The following SUCLG2 variants were observed in gnomAD, a reference collection of about 807,000 sequenced individuals.
The protein encoded by SUCLG2 is succinate--CoA ligase [GDP-forming] subunit beta, mitochondrial.
SUCLG2 carries 42 observed loss-of-function variants against 47.9 expected under a neutral mutation model. The observed-to-expected ratio is 0.88, with a 90% confidence interval of 0.69 to 1.14. The LOEUF (loss-of-function observed/expected upper bound fraction) is 1.14, where lower values mean the gene tolerates loss of function less well. SUCLG2 is among the 50% of genes most tolerant of loss of function. SUCLG2 has a pLI of 0.00. For synonymous variants in SUCLG2, 195 were observed against 197.3 expected (o/e 0.99, Z 0.10); for missense variants, 571 against 525.9 (o/e 1.09, Z -0.84).
At chr3:67,533,745 T>TATTCATTCATTA (rs1706463429) in intron 2 of SUCLG2, among the ~76,000 whole-genome samples, 1 of 152,210 alleles carries the variant, frequency 6.6e-6, no homozygotes, top group East Asian at 1.9e-4. Flanking sequence ...GAGTTACCAA[T>TATTCATTCATTA]CTTCAATCAT....
At chr3:67,433,334 T>A (rs1703534018) in intron 9 of SUCLG2, among the ~76,000 whole-genome samples, 1 of 152,222 alleles carries the variant, frequency 6.6e-6, no homozygotes. Context: ...GCTACTGGTT[T>A]ATTTTTTCAT....
At chr3:67,623,699 T>G (rs1047691162) in intron 1 of SUCLG2, among the ~76,000 whole-genome samples, 4 of 152,152 alleles carry the variant, frequency 2.6e-5, no homozygotes, top group Non-Finnish European at 5.9e-5. Flanking sequence ...ATATTTTTAT[T>G]CAACCATGTG....
intron 1 of SUCLG2, among the ~76,000 whole-genome samples, chr3:67,613,686 T>C (rs6790570): frequency 0.49 from 74,193 of 152,072 alleles, 19,022 homozygotes; most frequent in African/African-American, 0.64. Context: ...TTGTTACTAT[T>C]GCACAACCTT....
chr3:67,570,856 T>G (rs1003210624), intron 2 of SUCLG2, among the ~76,000 whole-genome samples: 3 of 152,170 alleles, frequency 2.0e-5, no homozygotes, highest in African/African-American at 7.2e-5. Flanking sequence ...CCCTGTAATG[T>G]AATAGTAATC....
intron 6 of SUCLG2, among the ~76,000 whole-genome samples, chr3:67,515,671 C>A (rs1252714181): frequency 6.6e-6 from 1 of 152,122 alleles, no homozygotes; most frequent in African/African-American, 2.4e-5. Flanking sequence ...CTCTAAGATA[C>A]TATTTCCTTA....
chr3:67,613,976 T>A (rs1352655796), intron 1 of SUCLG2, among the ~76,000 whole-genome samples: 1 of 152,178 alleles, frequency 6.6e-6, no homozygotes, highest in Non-Finnish European at 1.5e-5. Flanking sequence ...ATGTAACTAC[T>A]CCAGGCTTTG....
chr3:67,404,657 C>T (rs986642453), intron 9 of SUCLG2, among the ~76,000 whole-genome samples: 2 of 152,034 alleles, frequency 1.3e-5, no homozygotes, highest in African/African-American at 2.4e-5. Context: ...ATGCCATTCT[C>T]GCCTTCTCTC....
chr3:67,400,029 C>G (rs1023852834), intron 10 of SUCLG2, among the ~76,000 whole-genome samples: 5 of 151,958 alleles, frequency 3.3e-5, no homozygotes, highest in Non-Finnish European at 5.9e-5. Context: ...AACAAACTAA[C>G]AAACAAACAA....
At chr3:67,592,192 C>A (rs1708180855) in intron 2 of SUCLG2, among the ~76,000 whole-genome samples, 1 of 152,202 alleles carries the variant, frequency 6.6e-6, no homozygotes, top group Non-Finnish European at 1.5e-5. Context: ...CCCAGAAGGT[C>A]TGGCTTTATA....
chr3:67,628,615 G>A (rs1166562320), intron 1 of SUCLG2, among the ~76,000 whole-genome samples: 2 of 152,178 alleles, frequency 1.3e-5, no homozygotes, highest in Non-Finnish European at 2.9e-5. Context: ...AATCATGGGG[G>A]TGGGTTTTTC....
At chr3:67,387,464 G>A (rs571232137) in intron 10 of SUCLG2, among the ~76,000 whole-genome samples, 1 of 152,250 alleles carries the variant, frequency 6.6e-6, no homozygotes, top group South Asian at 2.1e-4. Context: ...TGCACACTAC[G>A]ATTGACCCAT....
intron 1 of SUCLG2, among the ~76,000 whole-genome samples, chr3:67,610,266 G>A (rs767267468): frequency 1.5e-4 from 23 of 152,276 alleles, no homozygotes; most frequent in Non-Finnish European, 2.8e-4. Flanking sequence ...CCAAGGTTGA[G>A]TGCAATAACC....
At chr3:67,616,319 T>C (rs1187885564) in intron 1 of SUCLG2, among the ~76,000 whole-genome samples, 1 of 152,158 alleles carries the variant, frequency 6.6e-6, no homozygotes, top group African/African-American at 2.4e-5. Flanking sequence ...CTAATTATTC[T>C]ACAAGGCACA....
chr3:67,492,252 A>G (rs1347921489), intron 9 of SUCLG2, among the ~76,000 whole-genome samples: 1 of 152,178 alleles, frequency 6.6e-6, no homozygotes, highest in African/African-American at 2.4e-5. Context: ...TCATGGAGAG[A>G]TTCGTGCCAA....
chr3:67,436,266 T>C (rs1024337747), intron 9 of SUCLG2, among the ~76,000 whole-genome samples: 3 of 152,106 alleles, frequency 2.0e-5, no homozygotes, highest in African/African-American at 7.2e-5. Flanking sequence ...AAAAAGTAAG[T>C]GGTCTGAAAC....
chr3:67,444,098 G>C (rs1180782802), intron 9 of SUCLG2, among the ~76,000 whole-genome samples: 1 of 102,796 alleles, frequency 9.7e-6, no homozygotes, highest in Non-Finnish European at 2.1e-5. Flanking sequence ...CGCGCCGTCC[G>C]GGAGGGAGGT....
intron 9 of SUCLG2, among the ~76,000 whole-genome samples, chr3:67,492,674 T>C (rs1705232498): frequency 6.6e-6 from 1 of 152,224 alleles, no homozygotes; most frequent in South Asian, 2.1e-4. Context: ...AATGATATAC[T>C]TTATATGAAT....
chr3:67,516,187 A>T (rs1705940298), intron 6 of SUCLG2, among the ~76,000 whole-genome samples: 1 of 152,234 alleles, frequency 6.6e-6, no homozygotes, highest in Admixed American at 6.5e-5. Context: ...CAGTGAAAAA[A>T]GAAAAAAACA....
chr3:67,471,653 TGAA>T (rs200053103), intron 9 of SUCLG2, among the ~76,000 whole-genome samples: 2 of 152,060 alleles, frequency 1.3e-5, no homozygotes, highest in Admixed American at 6.6e-5. Context: ...ATGATGATGA[TGAA>T]GAAGAAGAAG....
Sources: gnomAD v4.1 joint callset for allele counts (sites outside exome capture counted in the v4.1 genomes callset) on GRCh38, gnomAD v4.1.1 for gene constraint, MANE v1.5 for transcripts, NCBI Gene and HGNC (gene_info 2026-07-23, HGNC 2026-07-21) for gene names.